Variants in NXF3 observed in about 807,000 individuals in gnomAD.
NXF3 encodes TAP-like protein 3.
NXF3 carries 34 observed loss-of-function variants against 48.4 expected under a neutral mutation model. That is an observed-to-expected ratio of 0.70 (90% CI 0.53 to 0.93). The LOEUF (loss-of-function observed/expected upper bound fraction) is 0.93. Among genes scored for constraint, NXF3 ranks in the 40% least tolerant of loss-of-function variants. The probability of loss-of-function intolerance (pLI) is 0.00; values close to 1 mark genes in which losing one functional copy is unlikely to be tolerated. For synonymous variants in NXF3, 132 were observed against 145.7 expected (o/e 0.91, Z 0.68); for missense variants, 359 against 406.1 (o/e 0.88, Z 1.00).
chrX:103,087,983 C>T, intron 1 of NXF3: 2 of 967,804 alleles, frequency 2.1e-6, no homozygotes, highest in South Asian at 4.1e-5. Flanking sequence ...AAGTTAAATG[C>T]AAATCAGGGT....
In NXF3 at chrX:103,080,187, T is replaced by C. The variant is rs1186219507; in HGVS notation, c.957A>G (p.Leu319=). The change falls in exon 11 of 20, where the codon TTA becomes TTG. Residue 319 remains leucine (L), a synonymous_variant. Transcript: ENST00000395065. The part of the protein sequence containing the change: ...LDGQQSPRAT[L]CGTEAHKRLP... ...ACCTCTTGTGGGCTTCAGTACCACATAAAGTTGCTCTGGGTGACTGCTGGC... is the reference window on the plus strand; with the variant it reads ...ACCTCTTGTGGGCTTCAGTACCACACAAAGTTGCTCTGGGTGACTGCTGGC... 8.3e-7 allele frequency: 1 copy of C among 1,209,291 alleles called. No individual in the cohort carries two copies. Among genetic ancestry groups the C allele is most frequent in the East Asian group, 3.0e-5 (1 of 33,747 alleles).
intron 17 of NXF3, 119 bp downstream of exon 17, chrX:103,078,441 T>C: frequency 1.9e-6 from 2 of 1,039,231 alleles, no homozygotes; most frequent in Non-Finnish European, 2.7e-6. Context: ...CTCTTAACTA[T>C]TAGACTAGAC....
chrX:103,084,416 C>G lies in NXF3; in HGVS notation c.277G>C (p.Glu93Gln), dbSNP rs760075310. The G allele has an allele frequency of 1.7e-6, 2 of 1,209,807 alleles. No homozygotes were observed. Among genetic ancestry groups the G allele is most frequent in the African/African-American group, 3.5e-5 (2 of 57,102 alleles). ...ATTCTTCTCTCTGGAGGTTTTTGCT[C>G]TCTCTCCATGTTAACGTGGGTTTGG... ...QDQTHVNMER[E>Q]QKPPERRMEG... is the part of the protein sequence containing the mutation. Residue 93 changes from glutamate (E) to glutamine (Q), a missense_variant, in exon 3 of 20, where the codon GAG becomes CAG. Coordinates refer to ENST00000395065, the MANE Select transcript of NXF3 (RefSeq NM_022052.2).
chrX:103,089,001 G>A, intron 1 of NXF3: 3 of 1,170,312 alleles, frequency 2.6e-6, no homozygotes, highest in Non-Finnish European at 3.5e-6. Flanking sequence ...TCTTCCTAAT[G>A]TACTTTTGGA....
chrX:103,088,233 TA>T, intron 1 of NXF3: 1 of 704,849 alleles, frequency 1.4e-6, no homozygotes, highest in Admixed American at 3.1e-5. Flanking sequence ...GTGCTAGGAG[TA>T]AAAAATTAGA....
At position 103,082,321 on chromosome X, in the gene NXF3, G is replaced by C; in HGVS notation, c.824C>G (p.Pro275Arg). ...GEMDKWKGIEPGEKCADRSPV... is the reference protein window; with the variant it reads ...GEMDKWKGIERGEKCADRSPV... ...GCTTCTGTCCGCACACTTCTCTCCT[G>C]GCTCTATCCCTTTCCACTTGTCCAT... Residue 275 changes from proline (P) to arginine (R), a missense_variant, in exon 9 of 20, where the codon CCA becomes CGA. Pro to Arg is a moderately radical substitution (Grantham distance 103). Coordinates refer to ENST00000395065, the MANE Select transcript of NXF3 (RefSeq NM_022052.2). 1.7e-6 allele frequency: 2 copies of C among 1,209,056 alleles called. No homozygotes were observed. Among genetic ancestry groups the C allele is most frequent in the Non-Finnish European group, 2.2e-6 (2 of 893,609 alleles).
intron 9 of NXF3, chrX:103,080,929 G>A (rs41307419): frequency 0.29 from 91,410 of 313,064 alleles, 11,281 homozygotes; most frequent in Non-Finnish European, 0.36. Flanking sequence ...GCCAAGACCA[G>A]GTCAGCTCTT....
At position 103,075,972 on chromosome X, in the gene NXF3, T is replaced by C. The variant is rs1251550105; in HGVS notation, c.*78A>G. On this transcript the variant is annotated 3_prime_UTR_variant, in exon 20 of 20. Coordinates refer to ENST00000395065, the MANE Select transcript of NXF3 (RefSeq NM_022052.2). ...CTTCGGCTTCTTAGCCCCAGCCAGA[T>C]CTCCTGGTTCAGTCACAGGGAAATA... 1 of 300,900 alleles carries C rather than the reference T, an allele frequency of 3.3e-6. No individual in the cohort carries two copies. The highest frequency in any genetic ancestry group is 5.2e-5 in the Admixed American group (1 of 19,294). The allele number at this position is 300,900 out of a possible 1,213,427, so 24.8% of individuals were successfully genotyped here. A position where few individuals can be genotyped will look rare whatever the true frequency, so the allele number is the denominator to read the frequency against.
intron 1 of NXF3, 141 bp from the exon 2 acceptor site, chrX:103,085,024 G>T: frequency 1.8e-6 from 1 of 547,606 alleles, no homozygotes; most frequent in Non-Finnish European, 3.0e-6. Context: ...TAGTGCAGTG[G>T]CATGATCACC....
chrX:103,082,633 C>T (rs1429939065), intron 8 of NXF3, 127 bp downstream of exon 8: 11 of 588,422 alleles, frequency 1.9e-5, no homozygotes, highest in Non-Finnish European at 3.1e-5. Context: ...AGGGCAAAAG[C>T]TATGGGGAGG....
intron 1 of NXF3, among the ~76,000 whole-genome samples, chrX:103,085,297 G>C (rs1922117369): frequency 8.9e-6 from 1 of 112,047 alleles, no homozygotes; most frequent in Non-Finnish European, 1.9e-5. Flanking sequence ...GAGAAAATAA[G>C]CACAGCAGAA....
chrX:103,091,692 T>C (rs1316079700), intron 1 of NXF3, among the ~76,000 whole-genome samples: 1 of 110,559 alleles, frequency 9.0e-6, no homozygotes, highest in Non-Finnish European at 1.9e-5. Flanking sequence ...AATACACATG[T>C]TAAGAAGATT....
At chrX:103,086,149 G>A (rs1922149200) in intron 1 of NXF3, among the ~76,000 whole-genome samples, 1 of 103,280 alleles carries the variant, frequency 9.7e-6, no homozygotes, top group Non-Finnish European at 2.0e-5. Flanking sequence ...GCTGGCTGGC[G>A]GTGGCTCACG....
At chrX:103,088,618 T>A in intron 1 of NXF3, 1 of 963,725 alleles carries the variant, frequency 1.0e-6, no homozygotes, top group Non-Finnish European at 1.4e-6. Context: ...GTACTAGACA[T>A]AAGATATGTC....
At chrX:103,085,988 A>G (rs770428202) in intron 1 of NXF3, among the ~76,000 whole-genome samples, 1 of 108,452 alleles carries the variant, frequency 9.2e-6, no homozygotes, top group African/African-American at 3.3e-5. Flanking sequence ...CCCTCTCCTT[A>G]TTTCTGGGAC....
At chrX:103,091,402 A>G (rs1224237135) in intron 1 of NXF3, among the ~76,000 whole-genome samples, 3 of 112,509 alleles carry the variant, frequency 2.7e-5, no homozygotes, top group African/African-American at 6.4e-5. Flanking sequence ...AAATATAAAA[A>G]TAATACAAAT....
intron 16 of NXF3, 139 bp from the exon 17 acceptor site, chrX:103,078,771 G>A: frequency 1.0e-6 from 1 of 967,015 alleles, no homozygotes; most frequent in East Asian, 3.1e-5. Context: ...GAGTGAGGCG[G>A]ATGTGGTAGG....
At chrX:103,087,330 C>T in intron 1 of NXF3, 1 of 1,203,491 alleles carries the variant, frequency 8.3e-7, no homozygotes, top group South Asian at 1.8e-5. Flanking sequence ...TAGCTAGGCA[C>T]TATCTCATTC....
At chrX:103,082,949 T>A in intron 7 of NXF3, 55 bp downstream of exon 7, 1 of 1,155,646 alleles carries the variant, frequency 8.7e-7, no homozygotes, top group Non-Finnish European at 1.2e-6. Flanking sequence ...TAAGTCTCCA[T>A]CTCACACAGA....
Sources: gnomAD v4.1 joint callset for allele counts (sites outside exome capture counted in the v4.1 genomes callset) on GRCh38, gnomAD v4.1.1 for gene constraint, MANE v1.5 for transcripts, NCBI Gene and HGNC (gene_info 2026-07-23, HGNC 2026-07-21) for gene names.